POFUT3: variants seen among roughly 807,000 people sequenced by gnomAD.
The protein encoded by POFUT3 is protein O-fucosyltransferase 3.
At chr8:33,461,689 T>C in the POFUT3 span, 1 of 1,458,976 alleles carries the variant, frequency 6.9e-7, no homozygotes, top group African/African-American at 1.4e-5. Context: ...TCAGAGCAGC[T>C]GGAGATTTCT....
At chr8:33,403,296 G>C in the POFUT3 span, among the ~76,000 whole-genome samples, 1 of 151,880 alleles carries the variant, frequency 6.6e-6, no homozygotes, top group Non-Finnish European at 1.5e-5. Context: ...GTGTATGAGA[G>C]ACAGTGTGTG....
the POFUT3 span, among the ~76,000 whole-genome samples, chr8:33,391,528 T>C: frequency 6.6e-6 from 1 of 152,094 alleles, no homozygotes; most frequent in African/African-American, 2.4e-5. Flanking sequence ...AACATGAGGA[T>C]ATGAAAGAGA....
the POFUT3 span, among the ~76,000 whole-genome samples, chr8:33,336,261 G>A: frequency 1.3e-5 from 2 of 152,014 alleles, no homozygotes; most frequent in Non-Finnish European, 2.9e-5. Context: ...TTCAAGCTAC[G>A]AGTGTGAAAT....
At chr8:33,425,892 A>G in the POFUT3 span, among the ~76,000 whole-genome samples, 4 of 149,868 alleles carry the variant, frequency 2.7e-5, no homozygotes, top group Non-Finnish European at 5.9e-5. Flanking sequence ...ACAAGAGCAA[A>G]ACTCCATCTC....
chr8:33,465,405 T>TAC, the POFUT3 span, among the ~76,000 whole-genome samples: 1,851 of 139,628 alleles, frequency 0.013, 59 homozygotes, highest in African/African-American at 0.048. Context: ...TATATATATA[T>TAC]ACACACATAC....
the POFUT3 span, among the ~76,000 whole-genome samples, chr8:33,402,290 T>C: frequency 1.3e-5 from 2 of 152,216 alleles, no homozygotes; most frequent in African/African-American, 4.8e-5. Flanking sequence ...CCGAATGCTT[T>C]TTTTGAAAGC....
At chr8:33,448,849 G>A in the POFUT3 span, among the ~76,000 whole-genome samples, 3 of 151,876 alleles carry the variant, frequency 2.0e-5, no homozygotes, top group Non-Finnish European at 4.4e-5. Context: ...CAGGAGAATC[G>A]CCTGAATCTG....
the POFUT3 span, among the ~76,000 whole-genome samples, chr8:33,416,830 CAAAA>C: frequency 3.8e-4 from 17 of 44,562 alleles, no homozygotes; most frequent in African/African-American, 7.1e-4. Context: ...TGGGCGACGA[CAAAA>C]AAAAAAAAAA....
At chr8:33,309,143 A>T in the POFUT3 span, among the ~76,000 whole-genome samples, 6 of 37,626 alleles carry the variant, frequency 1.6e-4, no homozygotes, top group South Asian at 1.9e-3. Flanking sequence ...GAGTGTAAAA[A>T]AAAAAAAAAA....
At chr8:33,309,735 AC>A in the POFUT3 span, among the ~76,000 whole-genome samples, 1 of 152,142 alleles carries the variant, frequency 6.6e-6, no homozygotes, top group Non-Finnish European at 1.5e-5. Flanking sequence ...ACAAAGTCTG[AC>A]CATAGTTTTG....
chr8:33,401,079 T>A, the POFUT3 span, among the ~76,000 whole-genome samples: 3 of 152,128 alleles, frequency 2.0e-5, no homozygotes, highest in African/African-American at 7.2e-5. Context: ...GCCTCCTGGG[T>A]TCAAGTGATT....
At chr8:33,462,128 G>C in the POFUT3 span, among the ~76,000 whole-genome samples, 3 of 139,982 alleles carry the variant, frequency 2.1e-5, no homozygotes, top group Non-Finnish European at 4.6e-5. Context: ...ACAGAGAAAG[G>C]AAAGGAAAAG....
At chr8:33,359,480 C>T in the POFUT3 span, among the ~76,000 whole-genome samples, 7 of 152,090 alleles carry the variant, frequency 4.6e-5, no homozygotes, top group Non-Finnish European at 7.4e-5. Flanking sequence ...CAAAGGGAGC[C>T]TCAGTGCCTT....
chr8:33,327,353 T>C, the POFUT3 span, among the ~76,000 whole-genome samples: 1 of 152,212 alleles, frequency 6.6e-6, no homozygotes, highest in Non-Finnish European at 1.5e-5. Context: ...ATTTTCATAA[T>C]ACTTTTCTCT....
the POFUT3 span, among the ~76,000 whole-genome samples, chr8:33,440,726 ACTG>A: frequency 4.6e-5 from 7 of 152,292 alleles, no homozygotes; most frequent in South Asian, 1.5e-3. Flanking sequence ...TGCCTAATAA[ACTG>A]CTATTTTAAA....
chr8:33,372,175 C>T, the POFUT3 span: 7 of 994,392 alleles, frequency 7.0e-6, no homozygotes, highest in African/African-American at 1.7e-5. Flanking sequence ...TGTTCATGCT[C>T]GGCTGCAGGA....
At chr8:33,429,970 T>G in the POFUT3 span, among the ~76,000 whole-genome samples, 10 of 144,622 alleles carry the variant, frequency 6.9e-5, no homozygotes, top group African/African-American at 2.6e-4. Flanking sequence ...CACCCTAGCC[T>G]GGATGACAGA....
the POFUT3 span, chr8:33,389,601 G>C: frequency 1.2e-6 from 2 of 1,614,196 alleles, no homozygotes; most frequent in Non-Finnish European, 1.7e-6. Context: ...AGTGACTTCA[G>C]GACTTCAATG....
the POFUT3 span, among the ~76,000 whole-genome samples, chr8:33,366,398 A>C: frequency 6.6e-6 from 1 of 152,176 alleles, no homozygotes; most frequent in Non-Finnish European, 1.5e-5. Context: ...TAGAACTCAA[A>C]GTATATTAAA....
Sources: allele counts gnomAD v4.1 joint callset (sites outside exome capture counted in the v4.1 genomes callset), GRCh38; gene constraint gnomAD v4.1.1; transcripts MANE v1.5; gene names NCBI Gene and HGNC (gene_info 2026-07-23, HGNC 2026-07-21).